CNN1: variants seen among roughly 807,000 people sequenced by gnomAD.
CNN1 encodes calponin-1.
Under a neutral mutation model 35.3 loss-of-function variants are expected in CNN1, and 21 were observed. That is an observed-to-expected ratio of 0.60 (90% CI 0.42 to 0.86). The LOEUF is 0.86. CNN1 is among the 40% of genes least tolerant of loss of function. CNN1 has a pLI of 0.00. For synonymous variants in CNN1, 164 were observed against 161.8 expected (o/e 1.01, Z -0.10); for missense variants, 314 against 400.8 (o/e 0.78, Z 1.85).
At chr19:11,543,509 G>A (rs1972510821) in intron 2 of CNN1, among the ~76,000 whole-genome samples, 4 of 147,822 alleles carry the variant, frequency 2.7e-5, no homozygotes, top group African/African-American at 4.9e-5. Flanking sequence ...GGCCGGGCGC[G>A]GTGACTCACG....
At chr19:11,546,774 C>T in intron 3 of CNN1, 33 bp downstream of exon 3, 1 of 1,614,184 alleles carries the variant, frequency 6.2e-7, no homozygotes, top group Non-Finnish European at 8.5e-7. Context: ...CCATCCTTGC[C>T]CGCAAGCCCC....
At chr19:11,546,220 G>A (rs1972577887) in intron 2 of CNN1, among the ~76,000 whole-genome samples, 1 of 152,222 alleles carries the variant, frequency 6.6e-6, no homozygotes, top group South Asian at 2.1e-4. Context: ...TGGAGGGGCT[G>A]CAGCTGAGAG....
chr19:11,546,349 T>TC (rs1309736399), intron 2 of CNN1, among the ~76,000 whole-genome samples: 3 of 150,784 alleles, frequency 2.0e-5, no homozygotes, highest in African/African-American at 7.3e-5. Context: ...CTTTCTTTTT[T>TC]TTTTTTTTTT....
chr19:11,545,529 C>T (rs752161150), intron 2 of CNN1, among the ~76,000 whole-genome samples: 54 of 151,136 alleles, frequency 3.6e-4, no homozygotes, highest in Non-Finnish European at 6.8e-4. Flanking sequence ...AGCTGCATGT[C>T]AGGAGTCTGG....
chr19:11,545,667 G>A (rs1484286275), intron 2 of CNN1, among the ~76,000 whole-genome samples: 1 of 151,668 alleles, frequency 6.6e-6, no homozygotes, highest in African/African-American at 2.4e-5. Flanking sequence ...TCAAGACACT[G>A]AATGAGGCCA....
In CNN1 at chr19:11,546,922, A is replaced by C; in HGVS notation, c.343A>C (p.Thr115Pro). 1 of 1,614,234 alleles carries C rather than the reference A, an allele frequency of 6.2e-7. No individual in the cohort carries two copies. Among genetic ancestry groups the C allele is most frequent in the Non-Finnish European group, 8.5e-7 (1 of 1,180,042 alleles). ...IFEANDLFEN[T>P]NHTQVQSTLL... ...TGAGGCCAACGACCTGTTTGAGAAC[A>C]CCAACCATACACAGGTGCAGTCCAC... is the stretch of plus-strand genomic sequence containing the variant. The change falls in exon 4 of 7, where the codon ACC becomes CCC. Residue 115 changes from threonine to proline, a missense_variant. Coordinates refer to ENST00000252456, the MANE Select transcript of CNN1 (RefSeq NM_001299.6).
intron 2 of CNN1, among the ~76,000 whole-genome samples, chr19:11,543,491 A>AT (rs1315265471): frequency 1.4e-4 from 21 of 150,782 alleles, no homozygotes; most frequent in East Asian, 1.9e-4. Context: ...AATAATAATA[A>AT]AAGAGTGGGC....
At chr19:11,542,784 C>T (rs1972495202) in intron 2 of CNN1, among the ~76,000 whole-genome samples, 1 of 152,052 alleles carries the variant, frequency 6.6e-6, no homozygotes, top group South Asian at 2.1e-4. Flanking sequence ...CCATGTTGGT[C>T]AGGCTGGTCT....
At position 11,546,738 on chromosome 19, in the gene CNN1, C is replaced by T; in HGVS notation, c.249C>T (p.His83=). 1 of 1,614,192 alleles carries T rather than the reference C, an allele frequency of 6.2e-7. No individual in the cohort carries two copies. Among genetic ancestry groups the T allele is most frequent in the African/African-American group, 1.3e-5 (1 of 75,060 alleles). Residue 83 remains histidine, a synonymous_variant, in exon 3 of 7, where the codon CAC becomes CAT. Coordinates refer to ENST00000252456, the MANE Select transcript of CNN1 (RefSeq NM_001299.6). ...KKINESTQNW[H]QLENIGNFIK... ...TCAATGAGTCAACCCAAAATTGGCA[C>T]CAGGTGAGCCCAGACACAATCTCTT...
At position 11,548,729 on chromosome 19, in the gene CNN1, C is replaced by T. The variant is rs531306406; in HGVS notation, c.502-594C>T. Among the ~76,000 whole-genome samples the T allele has an allele frequency of 6.0e-5, 9 of 150,274 alleles. No individual in the cohort carries two copies. The East Asian group carries it at 1.8e-3, about 30-fold the overall frequency. ...GGGCACACCTGTAGTCCCAGCTACTCAGGAGGCTGAGGCAGGAGAATTGCT... is the reference window on the plus strand; with the variant it reads ...GGGCACACCTGTAGTCCCAGCTACTTAGGAGGCTGAGGCAGGAGAATTGCT... On this transcript the variant is annotated intron_variant, in intron 5 of 6. Transcript: ENST00000252456.
intron 2 of CNN1, among the ~76,000 whole-genome samples, chr19:11,544,958 G>A (rs1174451944): frequency 6.6e-6 from 1 of 152,100 alleles, no homozygotes; most frequent in African/African-American, 2.4e-5. Context: ...CAGCACTTTG[G>A]GAGGCTGAGG....
At position 11,550,044 on chromosome 19, in the gene CNN1, C is replaced by T. The variant is rs537222572; in HGVS notation, c.*249C>T. On this transcript the variant is annotated 3_prime_UTR_variant, in exon 7 of 7. Coordinates refer to ENST00000252456, the MANE Select transcript of CNN1 (RefSeq NM_001299.6). ...GGTGTCCCCAACAGCGCCCAAAGGA[C>T]GCACTGAGCAACGCTATTCCAGCTG... 78 of 476,476 alleles carry T rather than the reference C, an allele frequency of 1.6e-4. No individual in the cohort carries two copies. The highest frequency in any genetic ancestry group is 2.4e-4 in the Non-Finnish European group (66 of 273,360). 29.5% of individuals were successfully genotyped at this position (476,476 alleles called of 1,614,324 possible). A position where few individuals can be genotyped will look rare whatever the true frequency, so the allele number is the denominator to read the frequency against.
intron 2 of CNN1, among the ~76,000 whole-genome samples, chr19:11,544,371 A>G (rs1420531183): frequency 2.6e-5 from 4 of 152,166 alleles, no homozygotes; most frequent in Non-Finnish European, 5.9e-5. Context: ...GGGGTGTTCA[A>G]GAAACAAGAA....
intron 2 of CNN1, 28 bp downstream of exon 2, chr19:11,541,225 C>T (rs1322665446): frequency 6.5e-7 from 1 of 1,528,126 alleles, no homozygotes; most frequent in Non-Finnish European, 8.8e-7. Flanking sequence ...AGCCGAGACC[C>T]TGCAACATCC....
At chr19:11,546,786 C>T in intron 3 of CNN1, 45 bp downstream of exon 3, 3 of 1,613,746 alleles carry the variant, frequency 1.9e-6, no homozygotes, top group Non-Finnish European at 2.5e-6. Flanking sequence ...GCAAGCCCCT[C>T]AGACCTCCCC....
At chr19:11,539,151 A>T in intron 1 of CNN1, 161 bp downstream of exon 1, 1 of 1,090,246 alleles carries the variant, frequency 9.2e-7, no homozygotes, top group African/African-American at 1.6e-5. Flanking sequence ...CTCCCCCTGA[A>T]CATCCCGGAG....
chr19:11,549,974 G>A lies in CNN1; in HGVS notation c.*179G>A, dbSNP rs190733600. ...CTGGCGGGGGGCCCATTGGGGGGAA[G>A]GGGACCCTCCGCTCTGTAGTGCTAC... is the stretch of plus-strand genomic sequence containing the variant. On this transcript the variant is annotated 3_prime_UTR_variant, in exon 7 of 7. Transcript: ENST00000252456. This position sits in a 1 kb window ranked among gnomAD's most constrained non-coding sequence, Gnocchi z 5.2. The A allele has an allele frequency of 1.7e-3, 1,534 of 923,810 alleles. 3 individuals carry two copies. The highest frequency in any genetic ancestry group is 2.2e-3 in the Non-Finnish European group (1,365 of 629,350). The allele number at this position is 923,810 out of a possible 1,614,324, so 57.2% of individuals were successfully genotyped here.
At chr19:11,547,492 CA>C (rs1167390460) in intron 4 of CNN1, among the ~76,000 whole-genome samples, 3 of 152,046 alleles carry the variant, frequency 2.0e-5, no homozygotes, top group Admixed American at 6.6e-5. Flanking sequence ...AGGTGGATCA[CA>C]AGGTCAGGAG....
At chr19:11,540,998 C>T (rs1972448947) in intron 1 of CNN1, 78 bp from the exon 2 acceptor site, 6 of 1,445,864 alleles carry the variant, frequency 4.1e-6, no homozygotes, top group Non-Finnish European at 4.6e-6. Flanking sequence ...GAAGTTCAGA[C>T]AGGACCCAGG....
Sources: gnomAD v4.1 joint callset for allele counts (sites outside exome capture counted in the v4.1 genomes callset) on GRCh38, gnomAD v4.1.1 for gene constraint, Gnocchi (gnomAD v3.1) non-coding constraint, MANE v1.5 for transcripts, NCBI Gene and HGNC (gene_info 2026-07-23, HGNC 2026-07-21) for gene names.